GNG7: variants seen among roughly 807,000 people sequenced by gnomAD.
GNG7 encodes the protein G protein subunit gamma 7, also known as guanine nucleotide-binding protein G(I)/G(S)/G(O) subunit gamma-7.
A neutral mutation model predicts 4.0 loss-of-function variants in GNG7; 1 was observed. That is an observed-to-expected ratio of 0.25 (90% CI 0.09 to 1.18). The LOEUF (loss-of-function observed/expected upper bound fraction) is 1.18, where lower values mean the gene tolerates loss of function less well. Ranked by LOEUF, GNG7 falls within the 50% of genes most tolerant of loss-of-function variation. The probability of loss-of-function intolerance (pLI) is 0.50; values close to 1 mark genes in which losing one functional copy is unlikely to be tolerated. For synonymous variants in GNG7, 34 were observed against 36.9 expected, an observed-to-expected ratio of 0.92 and a Z score of 0.29; for missense variants, 86 against 91.9, an observed-to-expected ratio of 0.94 and a Z score of 0.26.
intron 2 of GNG7, among the ~76,000 whole-genome samples, chr19:2,641,589 G>A (rs1343302153): frequency 6.6e-6 from 1 of 152,162 alleles, no homozygotes; most frequent in African/African-American, 2.4e-5. Context: ...GGAGCCCCAA[G>A]GAGGGACTGG....
chr19:2,512,176 AC>A lies in GNG7; in HGVS notation c.*2845del. On this transcript the variant is annotated 3_prime_UTR_variant, in exon 5 of 5. Transcript: ENST00000382159. The surrounding 1 kb of genome is among the most constrained non-coding windows in gnomAD (Gnocchi z 4.7). ...CCCCAAGGCTAGAGCTGCTGCTGCC[AC>A]CCCCGCCCGCCAGCTCCCCGTCTGG... 1.0e-6 allele frequency: 1 copy of A among 985,306 alleles called. No individual in the cohort carries two copies. Among genetic ancestry groups the A allele is most frequent in the Non-Finnish European group, 1.2e-6 (1 of 829,826 alleles). The allele number at this position is 985,306 out of a possible 1,614,324, so 61.0% of individuals were successfully genotyped here.
chr19:2,696,324 AAG>A (rs1491068771), intron 1 of GNG7, among the ~76,000 whole-genome samples: 3 of 147,628 alleles, frequency 2.0e-5, no homozygotes, highest in Admixed American at 1.3e-4. Context: ...GAAAGAAAGA[AAG>A]AAAGAAAGAA....
chr19:2,601,078 T>C (rs550512792), intron 2 of GNG7, among the ~76,000 whole-genome samples: 3 of 151,922 alleles, frequency 2.0e-5, no homozygotes, highest in Admixed American at 6.6e-5. Context: ...GAGGCTGCAG[T>C]GAGCTAGGAT....
chr19:2,702,452 C>T (rs1232201925), intron 1 of GNG7, among the ~76,000 whole-genome samples, 194 bp downstream of exon 1: 3 of 149,850 alleles, frequency 2.0e-5, no homozygotes, highest in East Asian at 2.0e-4. Flanking sequence ...TAACTTCGAC[C>T]CCCTAAGCGC....
At chr19:2,651,296 C>T (rs1368496286) in intron 1 of GNG7, among the ~76,000 whole-genome samples, 9 of 78,222 alleles carry the variant, frequency 1.2e-4, no homozygotes, top group African/African-American at 5.9e-4. Context: ...ATCCCTCCCT[C>T]CCTACCTTCC....
At chr19:2,597,895 C>T (rs1375707315) in intron 2 of GNG7, among the ~76,000 whole-genome samples, 2 of 118,320 alleles carry the variant, frequency 1.7e-5, no homozygotes, top group Non-Finnish European at 3.5e-5. Flanking sequence ...GACTCTGTTT[C>T]AAAAAAAAAA....
At chr19:2,537,746 T>C (rs1978789282) in intron 3 of GNG7, among the ~76,000 whole-genome samples, 1 of 151,084 alleles carries the variant, frequency 6.6e-6, no homozygotes, top group Admixed American at 6.6e-5. Context: ...TGGGACCCGG[T>C]TACAGTGACT....
At chr19:2,543,378 G>T (rs188341133) in intron 3 of GNG7, among the ~76,000 whole-genome samples, 154 of 152,066 alleles carry the variant, frequency 1.0e-3, no homozygotes, top group African/African-American at 3.5e-3. Flanking sequence ...GCACCACCAT[G>T]CCCGGCTAAT....
intron 2 of GNG7, among the ~76,000 whole-genome samples, chr19:2,608,169 G>A (rs183533920): frequency 6.6e-6 from 1 of 152,196 alleles, no homozygotes; most frequent in East Asian, 1.9e-4. Flanking sequence ...GTGGCACGTC[G>A]GTTTCACACC....
At chr19:2,584,599 A>AAG (rs1330076227) in intron 2 of GNG7, among the ~76,000 whole-genome samples, 1 of 135,546 alleles carries the variant, frequency 7.4e-6, no homozygotes. Flanking sequence ...CTGCCTTAAA[A>AAG]AGAGAGAGAG....
intron 2 of GNG7, among the ~76,000 whole-genome samples, chr19:2,571,239 A>G (rs553129184): frequency 3.3e-5 from 5 of 152,320 alleles, no homozygotes; most frequent in African/African-American, 1.2e-4. Flanking sequence ...TCTCCAGCAC[A>G]GATAACAGAG....
chr19:2,663,630 T>C (rs1158914214), intron 1 of GNG7, among the ~76,000 whole-genome samples: 2 of 152,196 alleles, frequency 1.3e-5, no homozygotes, highest in East Asian at 3.8e-4. Context: ...TTCCAATATC[T>C]ATCAACCTGA....
Position 2,634,684 on chromosome 19 carries a change from A to C in GNG7, c.-78+11540T>G, listed in dbSNP as rs1982261072. Among the ~76,000 whole-genome samples the C allele has an allele frequency of 6.6e-6, 1 of 152,092 alleles. No homozygotes were observed. Among genetic ancestry groups the C allele is most frequent in the Admixed American group, 6.6e-5 (1 of 15,248 alleles). The stretch of plus-strand genomic sequence containing the variant: ...TCAGGCTCTGGCTGTATATCTTGGC[A>C]ATTCTTTCAGGGGAACAACTTGTCC... On this transcript the variant is annotated intron_variant, in intron 2 of 4. Transcript: ENST00000382159. The surrounding 1 kb of genome is among the most constrained non-coding windows in gnomAD (Gnocchi z 5.3).
chr19:2,533,169 T>C (rs1039567647), intron 3 of GNG7, among the ~76,000 whole-genome samples: 3 of 150,764 alleles, frequency 2.0e-5, no homozygotes, highest in African/African-American at 7.3e-5. Flanking sequence ...TATAAATGTA[T>C]TCTAAAAAAA....
intron 3 of GNG7, among the ~76,000 whole-genome samples, chr19:2,543,377 T>C (rs2144749769): frequency 6.6e-6 from 1 of 152,180 alleles, no homozygotes; most frequent in Middle Eastern, 3.4e-3. Flanking sequence ...TGCACCACCA[T>C]GCCCGGCTAA....
chr19:2,539,852 G>GCCTCCCTCCCTTCCCC (rs140559201), intron 3 of GNG7, among the ~76,000 whole-genome samples: 1 of 146,638 alleles, frequency 6.8e-6, no homozygotes, highest in Non-Finnish European at 1.5e-5. Context: ...TCTCCTTCCT[G>GCCTCCCTCCCTTCCCC]CCTCCCTCCC....
intron 2 of GNG7, among the ~76,000 whole-genome samples, chr19:2,564,481 C>A (rs774703907): frequency 1.3e-5 from 2 of 151,996 alleles, no homozygotes; most frequent in Admixed American, 6.6e-5. Flanking sequence ...GGCGGAGGCA[C>A]GAGAATTGCT....
At chr19:2,635,061 T>C (rs4806871) in intron 2 of GNG7, among the ~76,000 whole-genome samples, 33,348 of 152,138 alleles carry the variant, frequency 0.22, 4,267 homozygotes, top group East Asian at 0.4. Flanking sequence ...GGAGCCGGAT[T>C]GTTCTCTGGG....
At chr19:2,540,081 T>C (rs1978908624) in intron 3 of GNG7, among the ~76,000 whole-genome samples, 1 of 124,462 alleles carries the variant, frequency 8.0e-6, no homozygotes, top group Non-Finnish European at 1.7e-5. Context: ...TCCCTCTCTC[T>C]CTCTCTCTGT....
Sources: allele counts gnomAD v4.1 joint callset (sites outside exome capture counted in the v4.1 genomes callset), GRCh38; gene constraint gnomAD v4.1.1; non-coding constraint Gnocchi (gnomAD v3.1); transcripts MANE v1.5; gene names NCBI Gene and HGNC (gene_info 2026-07-23, HGNC 2026-07-21).